The following POC1B variants were observed in gnomAD, a reference collection of about 807,000 sequenced individuals.
POC1B encodes the protein POC1 centriolar protein homolog B.
In POC1B, 44 loss-of-function variants were observed where a neutral mutation model predicts 60.6. That is an observed-to-expected ratio of 0.73 (90% CI 0.57 to 0.93). The LOEUF (loss-of-function observed/expected upper bound fraction) is 0.93. POC1B is among the 40% of genes least tolerant of loss of function. The pLI is 0.00. For synonymous variants in POC1B, 180 were observed against 198.9 expected (o/e 0.90, Z 0.80); for missense variants, 555 against 572.3 (o/e 0.97, Z 0.31).
At chr12:89,417,139 TA>T (rs1184637313), downstream of POC1B, among the ~76,000 whole-genome samples, 5 of 152,354 alleles carry the variant, frequency 3.3e-5, no homozygotes, top group East Asian at 5.8e-4. Flanking sequence ...TCTTCAAGAT[TA>T]AAATAAGAAA....
intron 9 of POC1B, chr12:89,461,718 T>C (rs1225039080): frequency 1.3e-5 from 2 of 152,140 alleles, no homozygotes; most frequent in Non-Finnish European, 2.9e-5. Context: ...TGCAATGCTA[T>C]AGTAAAGAAG....
At chr12:89,525,687 G>A in intron 1 of POC1B, 194 bp downstream of exon 1, 1 of 1,251,450 alleles carries the variant, frequency 8.0e-7, no homozygotes. Context: ...CCGGGAGCCG[G>A]GTCTGGGTTC....
At chr12:89,415,160 T>A (rs944072250), downstream of POC1B, among the ~76,000 whole-genome samples, 1 of 152,216 alleles carries the variant, frequency 6.6e-6, no homozygotes, top group African/African-American at 2.4e-5. Context: ...GTTTTCTATG[T>A]ATGAAAGGCT....
chr12:89,402,440 G>C, the POC1B span, among the ~76,000 whole-genome samples: 1 of 151,858 alleles, frequency 6.6e-6, no homozygotes, highest in East Asian at 1.9e-4. Context: ...ACCTATGTAC[G>C]GGGGGTTGTT....
chr12:89,412,807 G>GTTCT, the POC1B span, among the ~76,000 whole-genome samples: 2 of 127,486 alleles, frequency 1.6e-5, no homozygotes, highest in Admixed American at 7.9e-5. Context: ...AGAAACACAT[G>GTTCT]TTCCTTCCTT....
intron 10 of POC1B, among the ~76,000 whole-genome samples, chr12:89,455,284 G>A (rs970037614): frequency 2.6e-5 from 4 of 152,180 alleles, no homozygotes; most frequent in Admixed American, 6.5e-5. Context: ...GCAGTGAGCC[G>A]AGACAGTGCC....
chr12:89,487,849 C>T (rs890947541), intron 4 of POC1B, among the ~76,000 whole-genome samples: 1 of 152,176 alleles, frequency 6.6e-6, no homozygotes. Context: ...CTTTTCCTCA[C>T]ACAAATCTTG....
intron 10 of POC1B, among the ~76,000 whole-genome samples, chr12:89,444,623 T>C (rs909914994): frequency 6.6e-6 from 1 of 152,182 alleles, no homozygotes; most frequent in African/African-American, 2.4e-5. Context: ...ATAAGAACTA[T>C]TTATGACAAA....
chr12:89,483,845 C>T (rs1410877187), intron 4 of POC1B, among the ~76,000 whole-genome samples: 1 of 115,424 alleles, frequency 8.7e-6, no homozygotes, highest in South Asian at 2.7e-4. Flanking sequence ...GAAATGATAT[C>T]AGATGGAAAC....
intron 3 of POC1B, among the ~76,000 whole-genome samples, chr12:89,495,744 G>A (rs1023534584): frequency 1.3e-5 from 2 of 152,014 alleles, no homozygotes; most frequent in African/African-American, 2.4e-5. Context: ...CATTTATTGT[G>A]TACTTTATTC....
chr12:89,481,649 A>G (rs1156557426), intron 4 of POC1B, among the ~76,000 whole-genome samples: 2 of 152,198 alleles, frequency 1.3e-5, no homozygotes, highest in Non-Finnish European at 2.9e-5. Flanking sequence ...AAAATTTACA[A>G]GGAACCCCCT....
At chr12:89,468,020 A>G (rs914401716) in intron 7 of POC1B, among the ~76,000 whole-genome samples, 3 of 152,234 alleles carry the variant, frequency 2.0e-5, no homozygotes, top group Non-Finnish European at 2.9e-5. Flanking sequence ...GTATTCAACC[A>G]ATCACTAGCA....
chr12:89,478,411 G>T (rs146263687), intron 4 of POC1B, among the ~76,000 whole-genome samples: 1 of 152,024 alleles, frequency 6.6e-6, no homozygotes, highest in Non-Finnish European at 1.5e-5. Context: ...TAAACACCAC[G>T]CCTGGCCCCA....
intron 11 of POC1B, 140 bp from the exon 12 acceptor site, chr12:89,421,397 G>A: frequency 3.3e-6 from 2 of 614,724 alleles, no homozygotes; most frequent in South Asian, 5.5e-5. Flanking sequence ...ATGAGCCCCA[G>A]AACTTGCTGT....
At chr12:89,473,583 C>T (rs1882989822) in intron 4 of POC1B, among the ~76,000 whole-genome samples, 1 of 150,728 alleles carries the variant, frequency 6.6e-6, no homozygotes, top group Non-Finnish European at 1.5e-5. Context: ...ACCACCTGAA[C>T]CCAGGAGGCA....
chr12:89,450,180 T>C (rs1168394593), intron 10 of POC1B, among the ~76,000 whole-genome samples: 2 of 151,854 alleles, frequency 1.3e-5, no homozygotes, highest in Non-Finnish European at 2.9e-5. Flanking sequence ...GGAAAACATA[T>C]TTGTAGCACA....
chr12:89,407,269 A>T, the POC1B span, among the ~76,000 whole-genome samples: 4 of 149,286 alleles, frequency 2.7e-5, no homozygotes, highest in Non-Finnish European at 4.4e-5. Context: ...GTCTCATTCT[A>T]TTGCCCAGGC....
chr12:89,499,967 G>A (rs1299415733), intron 2 of POC1B: 3 of 668,602 alleles, frequency 4.5e-6, no homozygotes, highest in Admixed American at 5.7e-5. Context: ...CATCGCCTTC[G>A]ACTTAAGGGT....
chr12:89,431,606 T>C (rs1881034510), intron 10 of POC1B, among the ~76,000 whole-genome samples: 1 of 152,086 alleles, frequency 6.6e-6, no homozygotes, highest in Admixed American at 6.5e-5. Context: ...AAATTTAGAG[T>C]AGGGATTGGA....
Sources: gnomAD v4.1 joint callset for allele counts (sites outside exome capture counted in the v4.1 genomes callset) on GRCh38, gnomAD v4.1.1 for gene constraint, MANE v1.5 for transcripts, NCBI Gene and HGNC (gene_info 2026-07-23, HGNC 2026-07-21) for gene names.